Variants in VGLL4 observed in about 807,000 individuals in gnomAD.
The protein encoded by VGLL4 is transcription cofactor vestigial-like protein 4.
In VGLL4, 7 loss-of-function variants were observed where a neutral mutation model predicts 21.0. That is an observed-to-expected ratio of 0.33 (90% CI 0.19 to 0.63). VGLL4 has a LOEUF of 0.63. Among genes scored for constraint, VGLL4 ranks in the 20% least tolerant of loss-of-function variants. The probability of loss-of-function intolerance (pLI) is 0.78; values close to 1 mark genes in which losing one functional copy is unlikely to be tolerated. For synonymous variants in VGLL4, 222 were observed against 173.2 expected (o/e 1.28, Z -2.21); for missense variants, 394 against 425.7 (o/e 0.93, Z 0.66).
chr3:11,566,970 T>C (rs1351752336), intron 2 of VGLL4, among the ~76,000 whole-genome samples: 1 of 151,956 alleles, frequency 6.6e-6, no homozygotes, highest in East Asian at 1.9e-4. Flanking sequence ...GGCAGAATCA[T>C]GGAGAGCTGG....
chr3:11,578,811 G>A (rs957779202), intron 2 of VGLL4, among the ~76,000 whole-genome samples: 10 of 137,592 alleles, frequency 7.3e-5, no homozygotes, highest in East Asian at 2.1e-4. Context: ...GTGCAGTGGC[G>A]TGATCTCTGC....
intron 1 of VGLL4, among the ~76,000 whole-genome samples, chr3:11,715,197 G>C (rs2076903884): frequency 6.6e-6 from 1 of 150,746 alleles, no homozygotes; most frequent in African/African-American, 2.4e-5. Context: ...TCCCAGAACA[G>C]CCCAGGTCTA....
intron 1 of VGLL4, among the ~76,000 whole-genome samples, chr3:11,712,021 C>T (rs1367582249): frequency 6.6e-6 from 1 of 152,214 alleles, no homozygotes; most frequent in Non-Finnish European, 1.5e-5. Context: ...TCGTGCAGCA[C>T]ATATTCTTCC....
chr3:11,692,926 T>C (rs1487219304), intron 2 of VGLL4: 1 of 153,262 alleles, frequency 6.5e-6, no homozygotes, highest in Non-Finnish European at 1.5e-5. Flanking sequence ...CCCAGCACTT[T>C]GGGAGGCTGA....
chr3:11,571,621 A>G (rs2073780178), intron 2 of VGLL4, among the ~76,000 whole-genome samples: 1 of 152,140 alleles, frequency 6.6e-6, no homozygotes. Flanking sequence ...GAGCCATGAC[A>G]GAGCCACTGC....
In VGLL4 at chr3:11,590,953, T is replaced by C. The variant is rs148439544; in HGVS notation, c.272+10880A>G. Among the ~76,000 whole-genome samples the C allele has an allele frequency of 7.2e-5, 11 of 152,284 alleles. No homozygotes were observed. The East Asian group carries it at 2.1e-3, about 29-fold the overall frequency. ...CAGTCTTCAATCAAATCTATTAATGTAGATTTGGGACAGCACTTCATATAC... is the reference window on the plus strand; with the variant it reads ...CAGTCTTCAATCAAATCTATTAATGCAGATTTGGGACAGCACTTCATATAC... On this transcript the variant is annotated intron_variant, in intron 2 of 4. Coordinates refer to ENST00000430365, the MANE Select transcript of VGLL4 (RefSeq NM_001128219.3).
intron 4 of VGLL4, 143 bp from the exon 5 acceptor site, chr3:11,558,970 C>T (rs1004575484): frequency 3.6e-5 from 37 of 1,028,226 alleles, no homozygotes; most frequent in Non-Finnish European, 5.0e-5. Flanking sequence ...CCCACCTCCC[C>T]CGGCTAAGTC....
chr3:11,589,879 C>G (rs2074444775), intron 2 of VGLL4, among the ~76,000 whole-genome samples: 2 of 152,220 alleles, frequency 1.3e-5, no homozygotes, highest in Admixed American at 6.5e-5. Flanking sequence ...ATGAAACCCT[C>G]ATCACCTCCC....
rs2076539053 is a variant in VGLL4, at chr3:11,692,394, T to C, written c.64+10577A>G. ...GCCCCCACTTAGAGAATGGCTTAAA[T>C]AAGCACCTAATCCACCTGATGTTTT... On this transcript the variant is annotated intron_variant, in intron 2 of 5. Coordinates refer to the VGLL4 transcript ENST00000273038. 3.3e-5 allele frequency among the ~76,000 whole-genome samples: 5 copies of C among 152,206 alleles called. No individual in the cohort carries two copies. The South Asian group carries it at 1.0e-3, about 31-fold the overall frequency.
intron 2 of VGLL4, among the ~76,000 whole-genome samples, chr3:11,683,502 A>G (rs1345452695): frequency 6.6e-6 from 1 of 152,230 alleles, no homozygotes; most frequent in Non-Finnish European, 1.5e-5. Flanking sequence ...TTGCAACACA[A>G]TTCACAATTG....
intron 2 of VGLL4, among the ~76,000 whole-genome samples, chr3:11,669,974 A>G (rs1447474284): frequency 1.3e-5 from 2 of 152,144 alleles, no homozygotes; most frequent in African/African-American, 4.8e-5. Context: ...ACTCTTTTCA[A>G]TGTTTCAATT....
At chr3:11,656,582 C>T (rs1447793230) in intron 2 of VGLL4, among the ~76,000 whole-genome samples, 2 of 152,160 alleles carry the variant, frequency 1.3e-5, no homozygotes, top group East Asian at 1.9e-4. Flanking sequence ...CACTGGGGTG[C>T]AGTAGCTGAG....
At chr3:11,660,748 A>G (rs959400187) in intron 2 of VGLL4, among the ~76,000 whole-genome samples, 6 of 152,208 alleles carry the variant, frequency 3.9e-5, no homozygotes, top group Non-Finnish European at 7.3e-5. Context: ...ACTTGGGCAT[A>G]AACTCAACAT....
chr3:11,659,489 G>A (rs1490529990), intron 2 of VGLL4, among the ~76,000 whole-genome samples: 1 of 151,610 alleles, frequency 6.6e-6, no homozygotes, highest in African/African-American at 2.4e-5. Flanking sequence ...GCACCACCAC[G>A]CCCAGCTAAT....
At chr3:11,695,239 G>A (rs955452384) in intron 2 of VGLL4, among the ~76,000 whole-genome samples, 2 of 151,688 alleles carry the variant, frequency 1.3e-5, no homozygotes, top group Admixed American at 1.3e-4. Context: ...TAGTAGAGAC[G>A]GGGTTTCACC....
chr3:11,615,543 C>T (rs2574725), intron 1 of VGLL4, among the ~76,000 whole-genome samples: 76,489 of 152,184 alleles, frequency 0.5, 22,296 homozygotes, highest in African/African-American at 0.78. Flanking sequence ...GCAGTACACA[C>T]AGATTGCTCC....
rs970964380 is a variant in VGLL4, at chr3:11,568,152, C to G, written c.273-3133G>C. Reference sequence around the variant, plus strand: ...ATCCGGGCAAGGATAAAGACACCCCCGGGTGGCATGGAGGAGCAGACTAAA... The same window carrying G: ...ATCCGGGCAAGGATAAAGACACCCCGGGGTGGCATGGAGGAGCAGACTAAA... On this transcript the variant is annotated intron_variant, in intron 2 of 4. Coordinates refer to ENST00000430365, the MANE Select transcript of VGLL4 (RefSeq NM_001128219.3). This position sits in a 1 kb window ranked among gnomAD's most constrained non-coding sequence, Gnocchi z 5.9. Among the ~76,000 whole-genome samples the G allele has an allele frequency of 6.6e-6, 1 of 152,206 alleles. No individual in the cohort carries two copies. Among genetic ancestry groups the G allele is most frequent in the Non-Finnish European group, 1.5e-5 (1 of 68,034 alleles).
At position 11,594,266 on chromosome 3, in the gene VGLL4, T is replaced by G. The variant is rs376070823; in HGVS notation, c.272+7567A>C. On this transcript the variant is annotated intron_variant, in intron 2 of 4. Coordinates refer to ENST00000430365, the MANE Select transcript of VGLL4 (RefSeq NM_001128219.3). ...CACACACAGCAGGGTTAATCCCAGC[T>G]GCCAACAACTTAGACACATCATCCT... 6.6e-5 allele frequency among the ~76,000 whole-genome samples: 10 copies of G among 152,346 alleles called. No individual in the cohort carries two copies. The South Asian group carries it at 1.5e-3, about 22-fold the overall frequency.
intron 2 of VGLL4, among the ~76,000 whole-genome samples, chr3:11,665,094 T>A (rs9818802): frequency 3.7e-5 from 5 of 134,100 alleles, no homozygotes; most frequent in South Asian, 2.3e-4. Flanking sequence ...GCAATTTGAA[T>A]ATTTTTCTTT....
Sources: gnomAD v4.1 joint callset for allele counts (sites outside exome capture counted in the v4.1 genomes callset) on GRCh38, gnomAD v4.1.1 for gene constraint, Gnocchi (gnomAD v3.1) non-coding constraint, MANE v1.5 for transcripts, NCBI Gene and HGNC (gene_info 2026-07-23, HGNC 2026-07-21) for gene names.